The following ETV1 variants were observed in gnomAD, a reference collection of about 807,000 sequenced individuals.
ETV1 encodes ETS translocation variant 1.
A neutral mutation model predicts 62.3 loss-of-function variants in ETV1; 27 were observed. The ratio of observed to expected loss-of-function variants is 0.43; its 90% CI spans 0.32 to 0.60. The LOEUF (loss-of-function observed/expected upper bound fraction) is 0.60, where lower values mean the gene tolerates loss of function less well. Ranked by LOEUF, ETV1 falls within the 20% of genes least tolerant of loss-of-function variation. ETV1 has a pLI of 0.06. For synonymous variants in ETV1, 222 were observed against 199.6 expected (o/e 1.11, Z -0.94); for missense variants, 605 against 605.8 (o/e 1.00, Z 0.01).
In ETV1 at chr7:13,939,250, G is replaced by GA. The variant is rs1315039737; in HGVS notation, c.236-5dup. 2 of 1,597,826 alleles carry GA rather than the reference G, an allele frequency of 1.3e-6. No individual in the cohort carries two copies. Among genetic ancestry groups the GA allele is most frequent in the Middle Eastern group, 1.7e-4 (1 of 6,018 alleles). The stretch of plus-strand genomic sequence containing the variant: ...AGTGGCAGGCCATGAAAAGCCACTA[G>GA]AAAAAAGAACAAAAATATCCACAAA... On this transcript the variant is annotated splice_region_variant and splice_polypyrimidine_tract_variant and intron_variant, in intron 6 of 13. Transcript: ENST00000430479.
At chr7:13,958,405 T>C (rs1355935040) in intron 6 of ETV1, among the ~76,000 whole-genome samples, 3 of 152,164 alleles carry the variant, frequency 2.0e-5, no homozygotes, top group Non-Finnish European at 2.9e-5. Context: ...ACTGCTACCA[T>C]TCTCTCTGAT....
Position 13,931,369 on chromosome 7 carries a change from A to G in ETV1, c.802+133T>C, listed in dbSNP as rs539513959. 5.4e-5 allele frequency: 50 copies of G among 929,812 alleles called. 2 individuals are homozygous for G. The South Asian group carries it at 8.4e-4, about 16-fold the overall frequency. The allele number at this position is 929,812 out of a possible 1,614,324, so 57.6% of individuals were successfully genotyped here. A position where few individuals can be genotyped will look rare whatever the true frequency, so the allele number is the denominator to read the frequency against. On this transcript the variant is annotated intron_variant, in intron 9 of 13. Coordinates refer to ENST00000430479, the MANE Select transcript of ETV1 (RefSeq NM_004956.5). ...ATCTTTACACGTAGATGAAGTTTCA[A>G]TGAACGGACAAAATCTGAAAGATCT...
upstream of ETV1, chr7:13,990,499 GCA>G (rs1782952373): frequency 6.6e-6 from 1 of 152,162 alleles, no homozygotes; most frequent in East Asian, 1.9e-4. Context: ...CCTAGAACCC[GCA>G]CGTTTCCTGA....
At chr7:13,976,208 G>A (rs1781437530) in intron 6 of ETV1, among the ~76,000 whole-genome samples, 1 of 152,230 alleles carries the variant, frequency 6.6e-6, no homozygotes, top group Admixed American at 6.5e-5. Context: ...ACCAGGGACT[G>A]AGGGCAGAGA....
intron 5 of ETV1, among the ~76,000 whole-genome samples, chr7:13,981,732 A>G (rs73278765): frequency 0.01 from 1,560 of 152,194 alleles, 25 homozygotes; most frequent in African/African-American, 0.035. Context: ...TATTTTTATC[A>G]TAAGAATACT....
rs559644032 is a variant in ETV1 at position 13,917,889 on chromosome 7, G to A, written c.803-6582C>T. On this transcript the variant is annotated intron_variant, in intron 9 of 13. Coordinates refer to ENST00000430479, the MANE Select transcript of ETV1 (RefSeq NM_004956.5). ...TGAGGCAGGAAAATGGCGTGAACCCGGGAGGCGGAGCTTGCAGTGAGCCGA... is the reference window on the plus strand; with the variant it reads ...TGAGGCAGGAAAATGGCGTGAACCCAGGAGGCGGAGCTTGCAGTGAGCCGA... Among the ~76,000 whole-genome samples the A allele has an allele frequency of 1.6e-3, 240 of 151,916 alleles. 1 individual carries two copies. Among genetic ancestry groups the A allele is most frequent in the African/African-American group, 2.6e-3 (109 of 41,464 alleles).
At position 13,946,032 on chromosome 7, in the gene ETV1, G is replaced by T. The variant is rs575372097; in HGVS notation, c.236-6786C>A. Among the ~76,000 whole-genome samples the T allele has an allele frequency of 6.6e-5, 10 of 152,296 alleles. No individual in the cohort carries two copies. In the East Asian group the frequency reaches 1.9e-3, roughly 29 times the overall value. On this transcript the variant is annotated intron_variant, in intron 6 of 13. Transcript: ENST00000430479. ...TGCTGAGTCTGGAACAGAGTTACAG[G>T]CATCTGCGTTGTTTGTAGTTTTAAT...
chr7:13,941,569 G>T (rs1787506055), intron 6 of ETV1, among the ~76,000 whole-genome samples: 1 of 152,112 alleles, frequency 6.6e-6, no homozygotes, highest in Non-Finnish European at 1.5e-5. Flanking sequence ...AACCCACGAA[G>T]AATTTAAAGT....
intron 11 of ETV1, 137 bp downstream of exon 11, chr7:13,909,495 G>A (rs1016290509): frequency 1.0e-5 from 7 of 685,086 alleles, no homozygotes; most frequent in Admixed American, 2.6e-5. Flanking sequence ...ATAGGTCAAC[G>A]TTGGCTAAAA....
chr7:13,970,870 G>A (rs775121512), intron 6 of ETV1, among the ~76,000 whole-genome samples: 2 of 151,402 alleles, frequency 1.3e-5, no homozygotes, highest in Non-Finnish European at 2.9e-5. Flanking sequence ...ACTGACTTCA[G>A]TTTTTTTAGA....
At chr7:13,945,766 G>A (rs995433619) in intron 6 of ETV1, among the ~76,000 whole-genome samples, 3 of 152,122 alleles carry the variant, frequency 2.0e-5, no homozygotes, top group African/African-American at 7.2e-5. Context: ...GCTAACAGGC[G>A]GTTTTCCAGT....
intron 7 of ETV1, among the ~76,000 whole-genome samples, chr7:13,938,405 T>C (rs1265943770): frequency 6.6e-6 from 1 of 152,260 alleles, no homozygotes; most frequent in Non-Finnish European, 1.5e-5. Flanking sequence ...TTGTGTAAGT[T>C]TGCAAACTAA....
chr7:13,988,180 A>G lies in ETV1; in HGVS notation c.46-7T>C. The G allele has an allele frequency of 6.3e-7, 1 of 1,594,340 alleles. No homozygotes were observed. The highest frequency in any genetic ancestry group is 8.6e-7 in the Non-Finnish European group (1 of 1,162,126). On this transcript the variant is annotated splice_region_variant and splice_polypyrimidine_tract_variant and intron_variant, in intron 3 of 13. Coordinates refer to ENST00000430479, the MANE Select transcript of ETV1 (RefSeq NM_004956.5). ...AATTTCTCCCACGCTGACTCTACAA[A>G]GGGAAAGATAAAATCCTTTAAAAGA... is the stretch of plus-strand genomic sequence containing the variant.
At chr7:13,932,790 C>T (rs1389013131) in intron 8 of ETV1, among the ~76,000 whole-genome samples, 1 of 151,984 alleles carries the variant, frequency 6.6e-6, no homozygotes, top group Admixed American at 6.6e-5. Flanking sequence ...GCCTAATAAC[C>T]CCCCCACTAA....
chr7:13,901,803 C>G (rs939904820), intron 12 of ETV1, among the ~76,000 whole-genome samples: 1 of 152,140 alleles, frequency 6.6e-6, no homozygotes, highest in African/African-American at 2.4e-5. Flanking sequence ...TGGAAAAGGT[C>G]ACCATGTATA....
chr7:13,959,190 A>G (rs186751341), intron 6 of ETV1: 1 of 152,136 alleles, frequency 6.6e-6, no homozygotes, highest in Non-Finnish European at 1.5e-5. Flanking sequence ...TTACACATCT[A>G]TAGTATCCTC....
intron 6 of ETV1, among the ~76,000 whole-genome samples, chr7:13,964,510 T>C (rs887194263): frequency 1.3e-5 from 2 of 152,170 alleles, no homozygotes; most frequent in Admixed American, 6.5e-5. Flanking sequence ...ATCACGATCA[T>C]ACTTAATGTG....
At chr7:13,978,565 A>G (rs910435163) in intron 5 of ETV1, among the ~76,000 whole-genome samples, 10 of 152,036 alleles carry the variant, frequency 6.6e-5, no homozygotes, top group African/African-American at 1.7e-4. Flanking sequence ...GCCAAGTCAT[A>G]TTTAAATAGA....
rs1355026519 is a variant in ETV1 at position 13,892,672 on chromosome 7, A to C, written c.*3194T>G. ...TGAGATGGAGAGATTGTCCTGGATT[A>C]TCTGAGCATCCCCTAAATGTAATCA... On this transcript the variant is annotated 3_prime_UTR_variant, in exon 14 of 14. Coordinates refer to ENST00000430479, the MANE Select transcript of ETV1 (RefSeq NM_004956.5). 4.3e-6 allele frequency: 1 copy of C among 232,212 alleles called. No homozygotes were observed. Among genetic ancestry groups the C allele is most frequent in the African/African-American group, 2.2e-5 (1 of 45,286 alleles). The allele number at this position is 232,212 out of a possible 1,614,324, so 14.4% of individuals were successfully genotyped here.
Sources: allele counts gnomAD v4.1 joint callset (sites outside exome capture counted in the v4.1 genomes callset), GRCh38; gene constraint gnomAD v4.1.1; transcripts MANE v1.5; gene names NCBI Gene and HGNC (gene_info 2026-07-23, HGNC 2026-07-21).